The following CAPRIN2 variants were observed in gnomAD, a reference collection of about 807,000 sequenced individuals.
CAPRIN2 encodes caprin-2.
In CAPRIN2, 66 loss-of-function variants were observed where a neutral mutation model predicts 130.4. The observed-to-expected ratio is 0.51, with a 90% confidence interval of 0.42 to 0.62. The LOEUF is 0.62. Ranked by LOEUF, CAPRIN2 falls within the 20% of genes least tolerant of loss-of-function variation. The pLI is 0.00. For missense variants in CAPRIN2, 1,185 were observed against 1,246.6 expected (o/e 0.95, Z 0.74); for synonymous variants, 471 against 444.1 (o/e 1.06, Z -0.76).
exon 17 of CAPRIN2, chr12:30,709,765 A>T: frequency 4.1e-6 from 4 of 966,694 alleles, no homozygotes; most frequent in Non-Finnish European, 6.0e-6. Context: ...AGGAAGGAAA[A>T]CAAAAAAGTA....
intron 11 of CAPRIN2, 68 bp from the exon 13 acceptor site, chr12:30,720,983 G>A: frequency 9.1e-7 from 1 of 1,100,460 alleles, no homozygotes; most frequent in Non-Finnish European, 1.4e-6. Flanking sequence ...CTTGGGCCCT[G>A]GCCTTCCTAA....
chr12:30,713,979 T>A (rs537854604), intron 14 of CAPRIN2, 94 bp from the exon 17 acceptor site: 5 of 656,192 alleles, frequency 7.6e-6, no homozygotes, highest in Admixed American at 2.3e-5. Flanking sequence ...GTTAAATTGA[T>A]TATATAATGC....
In CAPRIN2 at chr12:30,729,274, C is replaced by T. The variant is rs138797190; in HGVS notation, c.1156G>A (p.Glu386Lys). The change falls in exon 8 of 17, where the codon GAA (glutamate) becomes AAA (lysine). Residue 386 changes from glutamate (E) to lysine (K), a missense_variant. Glu to Lys is a moderately conservative substitution (Grantham distance 56). This residue lies in a region of CAPRIN2 where 1,104 missense variants were observed against 1,104.3 expected (regional missense o/e 1.00). Transcript: ENST00000298892. ...TAATCTGCTTCCCAAGGTTGCTCTT[C>T]GCCTTGTTTGTTTGAATAATCTACT... The T allele has an allele frequency of 1.1e-4, 172 of 1,599,488 alleles. No homozygotes were observed. Among genetic ancestry groups the T allele is most frequent in the South Asian group, 5.8e-4 (51 of 88,128 alleles).
exon 10 of CAPRIN2, chr12:30,724,449 C>T (rs780168378): frequency 6.2e-6 from 10 of 1,600,702 alleles, no homozygotes; most frequent in Non-Finnish European, 8.6e-6. Context: ...CAAGAACAGA[C>T]TCCTAAAGAT....
At chr12:30,723,539 T>C (rs530084974) in intron 10 of CAPRIN2, among the ~76,000 whole-genome samples, 6 of 152,286 alleles carry the variant, frequency 3.9e-5, no homozygotes, top group African/African-American at 1.4e-4. Context: ...TAAGGTTAAA[T>C]GGACAAAAGT....
At chr12:30,741,660 G>T (rs578075053) in intron 2 of CAPRIN2, among the ~76,000 whole-genome samples, 2 of 152,184 alleles carry the variant, frequency 1.3e-5, no homozygotes, top group Non-Finnish European at 2.9e-5. Flanking sequence ...AAAGAGGGGG[G>T]CATTTCATGG....
At chr12:30,717,940 T>C (rs2136776919) in intron 12 of CAPRIN2, among the ~76,000 whole-genome samples, 1 of 152,318 alleles carries the variant, frequency 6.6e-6, no homozygotes. Flanking sequence ...ACTTTCCTTT[T>C]TTCACTGCTA....
exon 14 of CAPRIN2, chr12:30,715,132 T>C (rs1451384090): frequency 1.9e-6 from 3 of 1,613,820 alleles, no homozygotes; most frequent in Non-Finnish European, 8.5e-7. Flanking sequence ...TCCATCAGGA[T>C]GATAATTTGC....
chr12:30,740,986 C>G, intron 3 of CAPRIN2, 34 bp downstream of exon 4: 1 of 1,345,690 alleles, frequency 7.4e-7, no homozygotes, highest in Non-Finnish European at 1.1e-6. Context: ...GTGGTTAAAA[C>G]TGGTTTCAGG....
At chr12:30,753,501 T>C in exon 1 of CAPRIN2, 14 of 1,614,186 alleles carry the variant, frequency 8.7e-6, no homozygotes, top group Non-Finnish European at 1.2e-5. Context: ...GTGGTTCACT[T>C]GGGGCTTGGC....
intron 3 of CAPRIN2, among the ~76,000 whole-genome samples, chr12:30,739,286 C>T (rs1281499561): frequency 6.6e-6 from 1 of 152,132 alleles, no homozygotes; most frequent in Non-Finnish European, 1.5e-5. Context: ...CATTATCCTT[C>T]GCAAGCTAAC....
At chr12:30,720,973 C>T in intron 11 of CAPRIN2, 58 bp from the exon 13 acceptor site, 1 of 1,244,302 alleles carries the variant, frequency 8.0e-7, no homozygotes, top group Non-Finnish European at 1.2e-6. Flanking sequence ...CTTTATATTT[C>T]TTGGGCCCTG....
chr12:30,734,831 T>G (rs1371901283), intron 4 of CAPRIN2, 137 bp downstream of exon 5: 5 of 673,288 alleles, frequency 7.4e-6, no homozygotes, highest in East Asian at 2.5e-5. Context: ...CTTTCTTAAG[T>G]TCTCTCTCCC....
intron 2 of CAPRIN2, among the ~76,000 whole-genome samples, chr12:30,746,077 A>G (rs1451218856): frequency 1.3e-5 from 2 of 152,242 alleles, no homozygotes; most frequent in African/African-American, 2.4e-5. Context: ...CTCACACAAT[A>G]ATTCAACCAA....
chr12:30,730,508 C>T lies in CAPRIN2; in HGVS notation c.1061-226G>A, dbSNP rs935872481. 1.8e-4 allele frequency among the ~76,000 whole-genome samples: 27 copies of T among 152,244 alleles called. No individual in the cohort carries two copies. The South Asian group carries it at 3.7e-3, about 21-fold the overall frequency. ...AGCTCTCCTTATGTAAGACACTTTA[C>T]GAAAGTCAAGTTTCAGTTTAAAACT... On this transcript the variant is annotated intron_variant, in intron 6 of 16. Transcript: ENST00000298892.
At chr12:30,738,892 A>C (rs2138832892) in intron 3 of CAPRIN2, among the ~76,000 whole-genome samples, 1 of 152,326 alleles carries the variant, frequency 6.6e-6, no homozygotes, top group South Asian at 2.1e-4. Context: ...TTATTAAAAA[A>C]TCAAAAACTG....
intron 3 of CAPRIN2, among the ~76,000 whole-genome samples, chr12:30,738,617 G>A (rs1030859980): frequency 4.6e-5 from 7 of 152,132 alleles, no homozygotes; most frequent in African/African-American, 1.7e-4. Context: ...AGAGTAAACA[G>A]ACAACCTACA....
chr12:30,733,524 G>C (rs2063438729), intron 5 of CAPRIN2, 105 bp downstream of exon 6: 2 of 755,524 alleles, frequency 2.6e-6, no homozygotes, highest in African/African-American at 3.4e-5. Flanking sequence ...TGTCAGACAT[G>C]TAAGTTCTGA....
At chr12:30,720,899 A>G in exon 12 of CAPRIN2, 1 of 1,612,316 alleles carries the variant, frequency 6.2e-7, no homozygotes, top group Non-Finnish European at 8.5e-7. Context: ...GCTACAAGTA[A>G]CTGGAGAAGA....
Sources: gnomAD v4.1 joint callset for allele counts (sites outside exome capture counted in the v4.1 genomes callset) on GRCh38, gnomAD v4.1.1 for gene constraint, gnomAD v4.1.1 regional missense constraint, MANE v1.5 for transcripts, NCBI Gene and HGNC (gene_info 2026-07-23, HGNC 2026-07-21) for gene names.